KIF1B: variants seen among roughly 807,000 people sequenced by gnomAD.
The protein encoded by KIF1B is kinesin family member 1B, also known as kinesin-like protein KIF1B.
In KIF1B, 76 loss-of-function variants were observed where a neutral mutation model predicts 241.9. That is an observed-to-expected ratio of 0.31 (90% confidence interval 0.26 to 0.38). KIF1B has a LOEUF of 0.38. KIF1B is among the 10% of genes least tolerant of loss of function. The pLI is 1.00. For synonymous variants in KIF1B, 750 were observed against 796.7 expected, an observed-to-expected ratio of 0.94 and a Z score of 0.99; for missense variants, 1,622 against 2,271.4, an observed-to-expected ratio of 0.71 and a Z score of 5.81.
Position 10,365,492 on chromosome 1 carries a change from C to T in KIF1B, c.4596C>T (p.Pro1532=), listed in dbSNP as rs147066476. 2.4e-3 allele frequency: 3,953 copies of T among 1,614,184 alleles called. 10 individuals carry two copies. Among genetic ancestry groups the T allele is most frequent in the Non-Finnish European group, 2.8e-3 (3,359 of 1,180,046 alleles). ...AATCCCTGAGCGACTCGTTATCCCC[C>T]AGCCTCAGCAGTGGGACCCTCAGCA... is the stretch of plus-strand genomic sequence containing the variant. ...IPKSLSDSLS[P]SLSSGTLSTS... is the part of the protein sequence containing the mutation. Residue 1532 remains proline (P), a synonymous_variant, in exon 43 of 49, where the codon CCC becomes CCT. Transcript: ENST00000676179. This position sits in a 1 kb window ranked among gnomAD's most constrained non-coding sequence, Gnocchi z 4.0.
intron 36 of KIF1B, 30 bp from the exon 37 acceptor site, chr1:10,348,619 G>A (rs1479270945): frequency 6.4e-7 from 1 of 1,574,012 alleles, no homozygotes; most frequent in African/African-American, 1.3e-5. Flanking sequence ...GATTGCTTCA[G>A]CTAAATTGCA....
chr1:10,244,524 C>G (rs1647180141), intron 2 of KIF1B, among the ~76,000 whole-genome samples: 1 of 151,656 alleles, frequency 6.6e-6, no homozygotes, highest in East Asian at 1.9e-4. Flanking sequence ...CATCTTGAGG[C>G]TGGTCTCGAA....
intron 1 of KIF1B, among the ~76,000 whole-genome samples, chr1:10,223,694 G>A (rs554764013): frequency 1.3e-5 from 2 of 151,810 alleles, no homozygotes; most frequent in African/African-American, 4.8e-5. Context: ...CTACAGGCAC[G>A]TGCCACCACA....
intron 22 of KIF1B, among the ~76,000 whole-genome samples, chr1:10,318,110 T>C (rs1651375543): frequency 6.6e-6 from 1 of 151,314 alleles, no homozygotes; most frequent in South Asian, 2.1e-4. Flanking sequence ...TGTAGTCTCC[T>C]AAAAAAGTGT....
At chr1:10,254,459 C>T (rs139085604) in intron 2 of KIF1B, among the ~76,000 whole-genome samples, 2 of 152,254 alleles carry the variant, frequency 1.3e-5, no homozygotes, top group East Asian at 3.9e-4. Flanking sequence ...TACTACATTA[C>T]ATAAATACAC....
chr1:10,372,221 A>G (rs930780513), intron 45 of KIF1B, among the ~76,000 whole-genome samples: 2 of 152,126 alleles, frequency 1.3e-5, no homozygotes, highest in Admixed American at 6.6e-5. Context: ...CATGCCATCA[A>G]TTATAAGATG....
At chr1:10,256,797 C>T (rs1398542738) in intron 3 of KIF1B, among the ~76,000 whole-genome samples, 2 of 151,914 alleles carry the variant, frequency 1.3e-5, no homozygotes, top group South Asian at 2.1e-4. Context: ...CTGCAACCTC[C>T]GCCTCCGAGG....
At chr1:10,332,814 C>A (rs1368861835) in intron 27 of KIF1B, among the ~76,000 whole-genome samples, 2 of 140,812 alleles carry the variant, frequency 1.4e-5, no homozygotes, top group Non-Finnish European at 3.1e-5. Flanking sequence ...CGCGCCTGGC[C>A]TCTTTTTTTT....
chr1:10,368,718 A>C (rs536449911), intron 44 of KIF1B, among the ~76,000 whole-genome samples, 180 bp downstream of exon 44: 47 of 152,340 alleles, frequency 3.1e-4, no homozygotes, highest in African/African-American at 1.1e-3. Context: ...GAGTCCGAAC[A>C]CTGACTTCTG....
intron 19 of KIF1B, 94 bp downstream of exon 19, chr1:10,295,860 C>A: frequency 1.9e-6 from 2 of 1,051,232 alleles, no homozygotes; most frequent in Non-Finnish European, 2.9e-6. Flanking sequence ...ATCAGTAGTA[C>A]TTTCTTATAC....
intron 1 of KIF1B, among the ~76,000 whole-genome samples, chr1:10,231,378 C>CTTTTTTTTTTT (rs35213507): frequency 2.6e-4 from 22 of 85,734 alleles, no homozygotes; most frequent in South Asian, 4.6e-4. Context: ...GTTCAGTGCC[C>CTTTTTTTTTTT]TTTTTTTTTT....
intron 48 of KIF1B, 56 bp from the exon 49 acceptor site, chr1:10,376,489 G>T: frequency 6.4e-7 from 1 of 1,561,488 alleles, no homozygotes; most frequent in South Asian, 1.1e-5. Context: ...AGGACTGTGA[G>T]GGGACAAGAC....
chr1:10,266,253 A>G (rs1456310547), intron 5 of KIF1B, among the ~76,000 whole-genome samples: 1 of 152,214 alleles, frequency 6.6e-6, no homozygotes, highest in Non-Finnish European at 1.5e-5. Flanking sequence ...TAGAACACTC[A>G]AGCCATTCGC....
chr1:10,324,973 A>T (rs1651673692), intron 26 of KIF1B, 78 bp downstream of exon 26: 1 of 1,563,808 alleles, frequency 6.4e-7, no homozygotes, highest in Non-Finnish European at 8.8e-7. Flanking sequence ...CAGATAATAT[A>T]AAAAGTTAAG....
intron 1 of KIF1B, among the ~76,000 whole-genome samples, chr1:10,216,842 C>T (rs961577650): frequency 6.6e-6 from 1 of 151,976 alleles, no homozygotes; most frequent in African/African-American, 2.4e-5. Flanking sequence ...TTCTTTCCCC[C>T]AGTGTGAGAA....
intron 22 of KIF1B, chr1:10,307,385 C>A: frequency 3.1e-6 from 2 of 654,880 alleles, no homozygotes; most frequent in Non-Finnish European, 3.8e-6. Flanking sequence ...TCTCAGCTCA[C>A]TGCAACCTCT....
Position 10,303,870 on chromosome 1 carries a change from T to C in KIF1B, c.2115+6624T>C, listed in dbSNP as rs1650673302. 1 of 1,614,128 alleles carries C rather than the reference T, an allele frequency of 6.2e-7. No individual in the cohort carries two copies. The highest frequency in any genetic ancestry group is 2.2e-5 in the East Asian group (1 of 44,866). The stretch of plus-strand genomic sequence containing the variant: ...AGAATAATGTAAGTAAAGGAGACAA[T>C]GGAGAACTTGCAAAAGAAGAACGTG... On this transcript the variant is annotated intron_variant, in intron 22 of 48. Coordinates refer to ENST00000676179, the MANE Select transcript of KIF1B (RefSeq NM_001365951.3). This position sits in a 1 kb window ranked among gnomAD's most constrained non-coding sequence, Gnocchi z 5.2.
Position 10,380,967 on chromosome 1 carries a change from A to T in KIF1B, c.*4380A>T, listed in dbSNP as rs565121701. On this transcript the variant is annotated 3_prime_UTR_variant, in exon 49 of 49. Transcript: ENST00000676179. ...AGTATTTGAGCCCCATAAGATCTTT[A>T]AAAAGCCTCCAATCATTTAAAGGAA... The T allele has an allele frequency of 4.1e-5, 9 of 221,802 alleles. No homozygotes were observed. Among genetic ancestry groups the T allele is most frequent in the African/African-American group, 2.0e-4 (9 of 44,800 alleles). 13.7% of individuals were successfully genotyped at this position (221,802 alleles called of 1,614,324 possible). A position where few individuals can be genotyped will look rare whatever the true frequency, so the allele number is the denominator to read the frequency against.
chr1:10,267,634 G>C (rs1557676747), intron 6 of KIF1B, 76 bp downstream of exon 6: 1 of 1,397,766 alleles, frequency 7.2e-7, no homozygotes. Context: ...AAGGGTTTGA[G>C]GCCACATTTA....
Sources: allele counts gnomAD v4.1 joint callset (sites outside exome capture counted in the v4.1 genomes callset), GRCh38; gene constraint gnomAD v4.1.1; non-coding constraint Gnocchi (gnomAD v3.1); transcripts MANE v1.5; gene names NCBI Gene and HGNC (gene_info 2026-07-23, HGNC 2026-07-21).